GPAT4: variants seen among roughly 807,000 people sequenced by gnomAD.
The protein encoded by GPAT4 is 1-AGP acyltransferase 6.
A neutral mutation model predicts 58.0 loss-of-function variants in GPAT4; 17 were observed. The observed-to-expected ratio is 0.29, with a 90% confidence interval of 0.20 to 0.44. The LOEUF (loss-of-function observed/expected upper bound fraction) is 0.44. GPAT4 is among the 20% of genes least tolerant of loss of function. GPAT4 has a pLI of 1.00. For synonymous variants in GPAT4, 204 were observed against 210.1 expected, an observed-to-expected ratio of 0.97 and a Z score of 0.25; for missense variants, 377 against 574.5, an observed-to-expected ratio of 0.66 and a Z score of 3.51.
rs760142023 is a variant in GPAT4 at position 41,599,218 on chromosome 8, C to T, written c.79C>T (p.Leu27Phe). Residue 27 changes from leucine to phenylalanine, a missense_variant, in exon 2 of 13, where the codon CTC (leucine) becomes TTC (phenylalanine). Transcript: ENST00000396987. ...CCTGACTGTCCTCTTCACCCTCCTT[C>T]TCGTTTTCATCATAGTGCCAGCCAT... Reference protein sequence around the residue: ...ISLTVLFTLLLVFIIVPAIFG... With the variant: ...ISLTVLFTLLFVFIIVPAIFG... 5.6e-6 allele frequency: 9 copies of T among 1,614,104 alleles called. No homozygotes were observed. The South Asian group carries it at 8.8e-5, about 16-fold the overall frequency.
At position 41,622,619 on chromosome 8, in the gene GPAT4, G is replaced by A. The variant is rs1803787957; in HGVS notation, c.*1618G>A. The A allele has an allele frequency of 6.6e-6, 1 of 152,416 alleles. No homozygotes were observed. The highest frequency in any genetic ancestry group is 2.4e-5 in the African/African-American group (1 of 41,452). 9.4% of individuals were successfully genotyped at this position (152,416 alleles called of 1,614,324 possible). A position where few individuals can be genotyped will look rare whatever the true frequency, so the allele number is the denominator to read the frequency against. Reference sequence around the variant, plus strand: ...CCTCTGGCCTGCAGTTCAGGGAGTGGGTGGGAGTGAAGCTGTGCTCCTGGG... The same window carrying A: ...CCTCTGGCCTGCAGTTCAGGGAGTGAGTGGGAGTGAAGCTGTGCTCCTGGG... On this transcript the variant is annotated 3_prime_UTR_variant, in exon 13 of 13. Coordinates refer to ENST00000396987, the MANE Select transcript of GPAT4 (RefSeq NM_178819.4).
intron 2 of GPAT4, among the ~76,000 whole-genome samples, chr8:41,605,659 T>G (rs932175244): frequency 6.6e-6 from 1 of 152,096 alleles, no homozygotes; most frequent in Admixed American, 6.6e-5. Flanking sequence ...ACTGCAACCT[T>G]CGCCTCCTGG....
rs892299561 is a variant in GPAT4 at position 41,582,694 on chromosome 8, T to TGTGTGTGG, written c.-849+4417_-849+4418insTGTGTGGG. 2.9e-3 allele frequency among the ~76,000 whole-genome samples: 423 copies of TGTGTGTGG among 145,066 alleles called. 10 individuals carry two copies. In the East Asian group the frequency reaches 0.074, roughly 25 times the overall value. ...GAGAGAGTGTGTGTGTGTGTGTGTG[T>TGTGTGTGG]GGGTGTATCTCAAAACATCACATTG... On this transcript the variant is annotated intron_variant, in intron 1 of 12. Transcript: ENST00000396987.
chr8:41,611,651 G>A (rs921634191), intron 5 of GPAT4, among the ~76,000 whole-genome samples: 13 of 152,170 alleles, frequency 8.5e-5, no homozygotes, highest in East Asian at 5.8e-4. Context: ...TGTGGTCTGC[G>A]GATGCCGGAT....
At chr8:41,594,298 AT>A (rs998114691) in intron 1 of GPAT4, among the ~76,000 whole-genome samples, 1 of 152,152 alleles carries the variant, frequency 6.6e-6, no homozygotes, top group Non-Finnish European at 1.5e-5. Context: ...CTTTAAAACA[AT>A]TTTTTTAACC....
intron 9 of GPAT4, 108 bp downstream of exon 9, chr8:41,614,549 T>C: frequency 9.0e-7 from 1 of 1,112,184 alleles, no homozygotes; most frequent in South Asian, 1.4e-5. Context: ...GTTATCTGTT[T>C]TCACTGAATA....
At chr8:41,620,538 G>C (rs1430868616) in intron 12 of GPAT4, among the ~76,000 whole-genome samples, 1 of 152,218 alleles carries the variant, frequency 6.6e-6, no homozygotes, top group Non-Finnish European at 1.5e-5. Context: ...ATTTCTTAAA[G>C]CATGTCTACC....
At chr8:41,587,933 A>C (rs1359953187) in intron 1 of GPAT4, among the ~76,000 whole-genome samples, 2 of 152,246 alleles carry the variant, frequency 1.3e-5, no homozygotes, top group Non-Finnish European at 1.5e-5. Flanking sequence ...GTGGTTTATC[A>C]GAATTTCTTT....
chr8:41,597,341 C>T (rs910559813), intron 1 of GPAT4, among the ~76,000 whole-genome samples: 1 of 152,006 alleles, frequency 6.6e-6, no homozygotes, highest in African/African-American at 2.4e-5. Context: ...AAAATATTTG[C>T]CAGAGAGACT....
At chr8:41,613,960 G>C (rs2150504319) in intron 8 of GPAT4, among the ~76,000 whole-genome samples, 1 of 152,320 alleles carries the variant, frequency 6.6e-6, no homozygotes, top group South Asian at 2.1e-4. Flanking sequence ...ATCTTCCATA[G>C]AGACAGATGA....
chr8:41,583,932 T>C (rs562921911), intron 1 of GPAT4, among the ~76,000 whole-genome samples: 1 of 152,334 alleles, frequency 6.6e-6, no homozygotes, highest in Non-Finnish European at 1.5e-5. Flanking sequence ...GGTCTTGCTC[T>C]GTTGCTCAGG....
At chr8:41,582,795 A>G (rs1198331502) in intron 1 of GPAT4, among the ~76,000 whole-genome samples, 1 of 152,162 alleles carries the variant, frequency 6.6e-6, no homozygotes, top group Non-Finnish European at 1.5e-5. Context: ...TTTATAGTGT[A>G]CAGTAATATT....
intron 1 of GPAT4, among the ~76,000 whole-genome samples, chr8:41,588,319 G>A (rs1003673232): frequency 6.6e-6 from 1 of 152,158 alleles, no homozygotes; most frequent in East Asian, 1.9e-4. Flanking sequence ...TGGTCCCTGA[G>A]TTGGGATGTG....
chr8:41,609,697 A>G lies in GPAT4; in HGVS notation c.278A>G (p.Lys93Arg), dbSNP rs1280514007. Residue 93 changes from lysine to arginine, a missense_variant, in exon 4 of 13, where the codon AAA becomes AGA. Physicochemically the swap from Lys to Arg is conservative, Grantham distance 26. Coordinates refer to ENST00000396987, the MANE Select transcript of GPAT4 (RefSeq NM_178819.4). The stretch of plus-strand genomic sequence containing the variant: ...CCCACTTCACTAGAAGAAGAGATCA[A>G]AGAGATTCGTCGAAGTGGTAGTAGT... The part of the protein sequence containing the change: ...KDPTSLEEEI[K>R]EIRRSGSSKA... The G allele has an allele frequency of 1.2e-6, 2 of 1,614,012 alleles. No individual in the cohort carries two copies. The highest frequency in any genetic ancestry group is 2.2e-5 in the East Asian group (1 of 44,864).
chr8:41,603,525 CAA>C (rs35302781), intron 2 of GPAT4, among the ~76,000 whole-genome samples: 3,363 of 85,254 alleles, frequency 0.039, 67 homozygotes, highest in African/African-American at 0.079. Context: ...GACTCCGTCT[CAA>C]AAAAAAAAAA....
intron 1 of GPAT4, among the ~76,000 whole-genome samples, chr8:41,581,580 G>T (rs1046642225): frequency 6.6e-6 from 1 of 151,576 alleles, no homozygotes; most frequent in East Asian, 1.9e-4. Flanking sequence ...GCCTCCCAAA[G>T]GGTCGGAATT....
At chr8:41,612,466 A>G (rs1803472984) in intron 7 of GPAT4, among the ~76,000 whole-genome samples, 193 bp downstream of exon 7, 1 of 152,140 alleles carries the variant, frequency 6.6e-6, no homozygotes, top group Non-Finnish European at 1.5e-5. Context: ...GTGTGGCTGG[A>G]GAGGATGCCA....
chr8:41,611,623 A>G (rs1377864951), intron 5 of GPAT4, among the ~76,000 whole-genome samples: 2 of 152,084 alleles, frequency 1.3e-5, no homozygotes, highest in Non-Finnish European at 2.9e-5. Flanking sequence ...TGACTGGGGG[A>G]ACGGAGTTCA....
At chr8:41,620,752 T>G in intron 12 of GPAT4, 141 bp from the exon 13 acceptor site, 1 of 1,367,500 alleles carries the variant, frequency 7.3e-7, no homozygotes, top group Non-Finnish European at 9.8e-7. Flanking sequence ...TCCCCTGAGG[T>G]TGTCTTGGTG....
Sources: allele counts gnomAD v4.1 joint callset (sites outside exome capture counted in the v4.1 genomes callset), GRCh38; gene constraint gnomAD v4.1.1; transcripts MANE v1.5; gene names NCBI Gene and HGNC (gene_info 2026-07-23, HGNC 2026-07-21).